Variants in CLSTN2 observed in about 807,000 individuals in gnomAD.
The protein encoded by CLSTN2 is calsyntenin 2.
A neutral mutation model predicts 101.2 loss-of-function variants in CLSTN2; 48 were observed. The observed-to-expected ratio is 0.47, with a 90% CI of 0.38 to 0.60. The LOEUF (loss-of-function observed/expected upper bound fraction) is 0.60, where lower values mean the gene tolerates loss of function less well. CLSTN2 is among the 20% of genes least tolerant of loss of function. CLSTN2 has a pLI of 0.00. For synonymous variants in CLSTN2, 481 were observed against 463.6 expected, an observed-to-expected ratio of 1.04 and a Z score of -0.48; for missense variants, 1,160 against 1,238.2, an observed-to-expected ratio of 0.94 and a Z score of 0.95.
At chr3:140,174,199 G>A (rs1451270059) in intron 1 of CLSTN2, among the ~76,000 whole-genome samples, 1 of 152,098 alleles carries the variant, frequency 6.6e-6, no homozygotes, top group East Asian at 1.9e-4. Context: ...TCTCTCTCAA[G>A]TTCAAAGTCC....
rs183301845 is a variant in CLSTN2, at chr3:140,335,521, T to C, written c.233-68108T>C. On this transcript the variant is annotated intron_variant, in intron 2 of 16. Coordinates refer to ENST00000458420, the MANE Select transcript of CLSTN2 (RefSeq NM_022131.3). Reference sequence around the variant, plus strand: ...ATCTGACCTGAGTCAAAAGGCACAGTGCAGCCCCCAGTTCTGGGGCCCTCC... The same window carrying C: ...ATCTGACCTGAGTCAAAAGGCACAGCGCAGCCCCCAGTTCTGGGGCCCTCC... Among the ~76,000 whole-genome samples, 322 of 150,998 alleles carry C rather than the reference T, an allele frequency of 2.1e-3. 5 individuals are homozygous for C. The highest frequency in any genetic ancestry group is 7.5e-3 in the African/African-American group (308 of 41,178).
chr3:140,489,754 C>T (rs1934306847), intron 8 of CLSTN2, among the ~76,000 whole-genome samples: 1 of 151,800 alleles, frequency 6.6e-6, no homozygotes, highest in African/African-American at 2.4e-5. Flanking sequence ...ATGCATTTTA[C>T]ACATCTTCAC....
intron 1 of CLSTN2, among the ~76,000 whole-genome samples, chr3:140,062,910 T>C (rs536302286): frequency 4.6e-4 from 70 of 152,320 alleles, no homozygotes; most frequent in South Asian, 1.7e-3. Flanking sequence ...ATAAAGATTC[T>C]TAATCAGCAA....
Position 140,573,362 on chromosome 3 carries a change from T to C in CLSTN2, c.*7109T>C, listed in dbSNP as rs1275867330. 6.6e-6 allele frequency: 1 copy of C among 152,386 alleles called. No individual in the cohort carries two copies. Among genetic ancestry groups the C allele is most frequent in the African/African-American group, 2.4e-5 (1 of 41,596 alleles). 9.4% of individuals were successfully genotyped at this position (152,386 alleles called of 1,614,324 possible). ...TCCTTGGAAGGGCAGTAACTCATTCTGGATGTTACTAAAAGTAGAAAACAA... is the reference window on the plus strand; with the variant it reads ...TCCTTGGAAGGGCAGTAACTCATTCCGGATGTTACTAAAAGTAGAAAACAA... On this transcript the variant is annotated 3_prime_UTR_variant, in exon 17 of 17. Transcript: ENST00000458420.
chr3:140,002,023 C>G (rs2006851913), intron 1 of CLSTN2, among the ~76,000 whole-genome samples: 1 of 152,140 alleles, frequency 6.6e-6, no homozygotes, highest in South Asian at 2.1e-4. Context: ...CATTTATCTG[C>G]TAATGGACAC....
At chr3:140,395,236 T>G (rs1430151723) in intron 2 of CLSTN2, among the ~76,000 whole-genome samples, 5 of 152,176 alleles carry the variant, frequency 3.3e-5, no homozygotes, top group South Asian at 2.1e-4. Context: ...GTATAAATGG[T>G]GAAAACTGCC....
chr3:140,131,373 TG>T (rs1477027041), intron 1 of CLSTN2, among the ~76,000 whole-genome samples: 1 of 152,200 alleles, frequency 6.6e-6, no homozygotes, highest in African/African-American at 2.4e-5. Context: ...TATGCTTTGT[TG>T]CTTCTACAGA....
At chr3:140,365,601 C>T (rs2087778820) in intron 2 of CLSTN2, among the ~76,000 whole-genome samples, 1 of 152,026 alleles carries the variant, frequency 6.6e-6, no homozygotes, top group East Asian at 1.9e-4. Context: ...GAAACTAAGG[C>T]CCAGAGAGGT....
intron 2 of CLSTN2, among the ~76,000 whole-genome samples, chr3:140,363,820 C>A (rs533201849): frequency 6.6e-6 from 1 of 152,202 alleles, no homozygotes; most frequent in East Asian, 1.9e-4. Context: ...AGGGATGAAT[C>A]GAGGAGGGGG....
chr3:140,240,320 A>ACT (rs36159731), intron 2 of CLSTN2, among the ~76,000 whole-genome samples: 2 of 147,088 alleles, frequency 1.4e-5, no homozygotes, highest in African/African-American at 5.0e-5. Flanking sequence ...ACACACACAC[A>ACT]TACACATACA....
chr3:139,978,620 C>T lies in CLSTN2; in HGVS notation c.109+43137C>T, dbSNP rs576196940. On this transcript the variant is annotated intron_variant, in intron 1 of 16. Transcript: ENST00000458420. ...GCTAACCAAAGTACAATATAACTAACTCTGCTGGGAGGATGGGGGATGGGG... is the reference window on the plus strand; with the variant it reads ...GCTAACCAAAGTACAATATAACTAATTCTGCTGGGAGGATGGGGGATGGGG... 2.0e-5 allele frequency among the ~76,000 whole-genome samples: 3 copies of T among 149,666 alleles called. No homozygotes were observed. In the East Asian group the frequency reaches 5.9e-4, roughly 29 times the overall value.
At chr3:140,447,310 C>T (rs1933105288) in intron 5 of CLSTN2, among the ~76,000 whole-genome samples, 1 of 152,256 alleles carries the variant, frequency 6.6e-6, no homozygotes, top group Non-Finnish European at 1.5e-5. Flanking sequence ...GCACATAAGT[C>T]TGGCTGAGGA....
At chr3:140,185,578 C>A (rs2010474731) in intron 2 of CLSTN2, among the ~76,000 whole-genome samples, 1 of 152,180 alleles carries the variant, frequency 6.6e-6, no homozygotes, top group Admixed American at 6.5e-5. Flanking sequence ...GGGTGGGCAC[C>A]TGACCCAAGC....
At chr3:140,249,840 A>G (rs1346145086) in intron 2 of CLSTN2, among the ~76,000 whole-genome samples, 1 of 152,164 alleles carries the variant, frequency 6.6e-6, no homozygotes, top group Non-Finnish European at 1.5e-5. Flanking sequence ...ATGTCAAGAA[A>G]GGGTTTAGAA....
chr3:140,217,176 C>G (rs962185177), intron 2 of CLSTN2, among the ~76,000 whole-genome samples: 1 of 152,166 alleles, frequency 6.6e-6, no homozygotes, highest in Non-Finnish European at 1.5e-5. Context: ...TAGGAGTTTG[C>G]TCTGGCTGTA....
chr3:140,264,429 A>ATATAT (rs2086678829), intron 2 of CLSTN2, among the ~76,000 whole-genome samples: 1 of 101,252 alleles, frequency 9.9e-6, no homozygotes, highest in Non-Finnish European at 2.1e-5. Context: ...TATATATATA[A>ATATAT]AATTAGGCAT....
chr3:140,500,245 T>G (rs1327154288), intron 8 of CLSTN2, among the ~76,000 whole-genome samples: 1 of 152,102 alleles, frequency 6.6e-6, no homozygotes, highest in African/African-American at 2.4e-5. Context: ...AGGCATTTCT[T>G]CTACTTGACT....
intron 1 of CLSTN2, among the ~76,000 whole-genome samples, chr3:140,028,428 G>A (rs1371536102): frequency 6.6e-6 from 1 of 152,166 alleles, no homozygotes; most frequent in Admixed American, 6.6e-5. Context: ...ATGGTTCAGT[G>A]TGAACTCTTG....
At chr3:140,358,816 C>T (rs186142987) in intron 2 of CLSTN2, among the ~76,000 whole-genome samples, 41 of 152,030 alleles carry the variant, frequency 2.7e-4, no homozygotes, top group East Asian at 5.8e-4. Flanking sequence ...CCCCAGATGA[C>T]GACACCTGGG....
Sources: allele counts gnomAD v4.1 joint callset (sites outside exome capture counted in the v4.1 genomes callset), GRCh38; gene constraint gnomAD v4.1.1; transcripts MANE v1.5; gene names NCBI Gene and HGNC (gene_info 2026-07-23, HGNC 2026-07-21).